DNM3: variants seen among roughly 807,000 people sequenced by gnomAD.
DNM3 encodes dynamin 3.
A neutral mutation model predicts 101.6 loss-of-function variants in DNM3; 47 were observed. The ratio of observed to expected loss-of-function variants is 0.46; its 90% CI spans 0.37 to 0.59. The LOEUF is 0.59. Among genes scored for constraint, DNM3 ranks in the 20% least tolerant of loss-of-function variants. DNM3 has a pLI of 0.00. For missense variants in DNM3, 849 were observed against 1,085.7 expected (o/e 0.78, Z 3.06); for synonymous variants, 385 against 387.9 (o/e 0.99, Z 0.09).
intron 1 of DNM3, among the ~76,000 whole-genome samples, chr1:171,855,882 T>G (rs1044568294): frequency 1.3e-5 from 2 of 152,182 alleles, no homozygotes; most frequent in African/African-American, 4.8e-5. Context: ...TTAGAATCCC[T>G]CTTGTCAATT....
intron 14 of DNM3, among the ~76,000 whole-genome samples, chr1:172,223,629 G>A (rs958254596): frequency 2.0e-5 from 3 of 151,944 alleles, no homozygotes; most frequent in Admixed American, 6.6e-5. Context: ...TTTATCTATT[G>A]TTCCCTATTT....
chr1:172,195,517 C>T (rs1357046767), intron 14 of DNM3, among the ~76,000 whole-genome samples: 1 of 151,862 alleles, frequency 6.6e-6, no homozygotes, highest in East Asian at 1.9e-4. Flanking sequence ...CATGGTACAG[C>T]ATCTAGTGTC....
intron 2 of DNM3, among the ~76,000 whole-genome samples, chr1:171,932,217 G>T (rs568468922): frequency 3.3e-4 from 49 of 150,610 alleles, no homozygotes; most frequent in African/African-American, 1.2e-3. Flanking sequence ...TCATTGCTCA[G>T]TGTAACCTCC....
At chr1:171,995,761 T>C (rs941206640) in intron 4 of DNM3, among the ~76,000 whole-genome samples, 2 of 152,186 alleles carry the variant, frequency 1.3e-5, no homozygotes, top group Non-Finnish European at 2.9e-5. Flanking sequence ...TTTCCTGATA[T>C]TTTGCCCTTG....
chr1:171,971,210 C>T (rs1470800688), intron 2 of DNM3, among the ~76,000 whole-genome samples: 1 of 151,688 alleles, frequency 6.6e-6, no homozygotes, highest in Non-Finnish European at 1.5e-5. Context: ...TTTGTTTTTT[C>T]TCTTTGGTGC....
At chr1:172,007,101 A>T (rs992741581) in intron 4 of DNM3, among the ~76,000 whole-genome samples, 2 of 152,106 alleles carry the variant, frequency 1.3e-5, no homozygotes, top group Non-Finnish European at 2.9e-5. Context: ...GGGCTATTGC[A>T]AATAAAGCTG....
intron 2 of DNM3, among the ~76,000 whole-genome samples, chr1:171,985,757 A>G (rs2045205910): frequency 6.6e-6 from 1 of 152,188 alleles, no homozygotes; most frequent in South Asian, 2.1e-4. Context: ...TAAAGTAGAA[A>G]CTTTTTGGTC....
At chr1:172,274,683 T>C (rs544721932) in intron 15 of DNM3, among the ~76,000 whole-genome samples, 1 of 151,928 alleles carries the variant, frequency 6.6e-6, no homozygotes, top group East Asian at 1.9e-4. Context: ...AAACCGAGAA[T>C]TTCCCTGAAA....
chr1:171,992,560 G>A (rs1341692074), intron 4 of DNM3, among the ~76,000 whole-genome samples: 2 of 151,958 alleles, frequency 1.3e-5, no homozygotes, highest in Non-Finnish European at 2.9e-5. Context: ...CTTAGAAATT[G>A]TCATGTAAAT....
chr1:171,929,521 A>G (rs910586587), intron 2 of DNM3, among the ~76,000 whole-genome samples: 2 of 152,116 alleles, frequency 1.3e-5, no homozygotes, highest in Admixed American at 1.3e-4. Context: ...GGTCCTGCCC[A>G]GTAAGGAGGA....
intron 14 of DNM3, among the ~76,000 whole-genome samples, chr1:172,148,474 TTATA>T (rs974259868): frequency 6.6e-6 from 1 of 152,106 alleles, no homozygotes; most frequent in African/African-American, 2.4e-5. Flanking sequence ...CTTTTAATAT[TTATA>T]TATGTGTCTG....
chr1:172,196,331 G>A (rs114453386), intron 14 of DNM3, among the ~76,000 whole-genome samples: 3,239 of 151,700 alleles, frequency 0.021, 102 homozygotes, highest in African/African-American at 0.07. Flanking sequence ...GATTTATTCC[G>A]TGTCTTTGCT....
chr1:172,066,200 T>C (rs2125927175), intron 10 of DNM3, among the ~76,000 whole-genome samples: 1 of 152,070 alleles, frequency 6.6e-6, no homozygotes, highest in East Asian at 1.9e-4. Context: ...GGTGTGTGAC[T>C]CTGTGTGTGT....
At chr1:171,973,082 G>A (rs940748552) in intron 2 of DNM3, among the ~76,000 whole-genome samples, 1 of 152,182 alleles carries the variant, frequency 6.6e-6, no homozygotes, top group Admixed American at 6.5e-5. Context: ...TAGGAGATAT[G>A]ATTCCTATAT....
chr1:172,276,591 G>A (rs987799102), intron 15 of DNM3, among the ~76,000 whole-genome samples: 2 of 151,164 alleles, frequency 1.3e-5, no homozygotes, highest in African/African-American at 4.9e-5. Flanking sequence ...GTGTGTATAG[G>A]ACTATGTTCC....
chr1:172,193,343 A>G (rs1028867154), intron 14 of DNM3, among the ~76,000 whole-genome samples: 1 of 152,090 alleles, frequency 6.6e-6, no homozygotes, highest in African/African-American at 2.4e-5. Flanking sequence ...TGTCCCTGCC[A>G]GGCTTTGGTA....
chr1:171,848,835 G>T (rs2032554050), intron 1 of DNM3, among the ~76,000 whole-genome samples: 1 of 152,174 alleles, frequency 6.6e-6, no homozygotes, highest in South Asian at 2.1e-4. Context: ...AAACAGAGCA[G>T]TTGTTGAGGA....
At chr1:171,870,456 CAAACAAAACA>C (rs368416298) in intron 1 of DNM3, among the ~76,000 whole-genome samples, 1 of 151,532 alleles carries the variant, frequency 6.6e-6, no homozygotes, top group African/African-American at 2.4e-5. Context: ...AACAAAAAAA[CAAACAAAACA>C]AAACAAAACA....
intron 1 of DNM3, among the ~76,000 whole-genome samples, chr1:171,894,446 C>A (rs1023317505): frequency 6.6e-6 from 1 of 151,694 alleles, no homozygotes; most frequent in African/African-American, 2.4e-5. Context: ...TCTGTGTCTC[C>A]CAGGCTGGAG....
Sources: gnomAD v4.1 joint callset for allele counts (sites outside exome capture counted in the v4.1 genomes callset) on GRCh38, gnomAD v4.1.1 for gene constraint, MANE v1.5 for transcripts, NCBI Gene and HGNC (gene_info 2026-07-23, HGNC 2026-07-21) for gene names.